The following MELK variants were observed in gnomAD, a reference collection of about 807,000 sequenced individuals.
MELK encodes the protein maternal embryonic leucine zipper kinase.
In MELK, 81 loss-of-function variants were observed where a neutral mutation model predicts 85.0. The ratio of observed to expected loss-of-function variants is 0.95; its 90% CI spans 0.80 to 1.15. The LOEUF (loss-of-function observed/expected upper bound fraction) is 1.15. MELK is among the 50% of genes most tolerant of loss of function. The probability of loss-of-function intolerance (pLI) is 0.00; values close to 1 mark genes in which losing one functional copy is unlikely to be tolerated. For missense variants in MELK, 754 were observed against 777.5 expected, an observed-to-expected ratio of 0.97 and a Z score of 0.36; for synonymous variants, 252 against 265.0, an observed-to-expected ratio of 0.95 and a Z score of 0.48.
chr9:36,632,124 C>G (rs570032065), intron 9 of MELK, among the ~76,000 whole-genome samples: 1 of 152,330 alleles, frequency 6.6e-6, no homozygotes, highest in Admixed American at 6.5e-5. Flanking sequence ...TTGCTGGCCT[C>G]CAGCCCCAGA....
chr9:36,638,738 A>T, intron 10 of MELK, among the ~76,000 whole-genome samples: 1 of 152,198 alleles, frequency 6.6e-6, no homozygotes, highest in South Asian at 2.1e-4. Context: ...GCACTATCCT[A>T]TGGGCTTTAT....
chr9:36,590,183 G>A (rs1253707013), intron 4 of MELK, among the ~76,000 whole-genome samples: 1 of 152,048 alleles, frequency 6.6e-6, no homozygotes, highest in Non-Finnish European at 1.5e-5. Flanking sequence ...GCCTCCCAGA[G>A]TGCTGGGATT....
intron 8 of MELK, among the ~76,000 whole-genome samples, chr9:36,622,777 T>C (rs1358329564): frequency 6.6e-6 from 1 of 152,222 alleles, no homozygotes; most frequent in Non-Finnish European, 1.5e-5. Flanking sequence ...TACAGCATTA[T>C]GATTATGTAT....
chr9:36,637,167 C>T (rs965030957), intron 10 of MELK, among the ~76,000 whole-genome samples: 20 of 151,956 alleles, frequency 1.3e-4, no homozygotes, highest in Non-Finnish European at 2.9e-4. Flanking sequence ...GAGGATAAGC[C>T]CTAGTGCTCT....
intron 2 of MELK, among the ~76,000 whole-genome samples, chr9:36,582,203 C>T (rs1317890010): frequency 1.3e-5 from 2 of 152,032 alleles, no homozygotes; most frequent in South Asian, 4.2e-4. Flanking sequence ...CTCCTGACCT[C>T]GTGATCCACC....
At chr9:36,628,536 C>T (rs1398346052) in intron 8 of MELK, among the ~76,000 whole-genome samples, 8 of 152,130 alleles carry the variant, frequency 5.3e-5, no homozygotes, top group Admixed American at 5.2e-4. Flanking sequence ...TCTCCTGCCT[C>T]AGCCTCCCGA....
chr9:36,667,886 G>A (rs1193271414), intron 14 of MELK, among the ~76,000 whole-genome samples: 1 of 152,096 alleles, frequency 6.6e-6, no homozygotes, highest in East Asian at 1.9e-4. Context: ...TCCTGCCTCA[G>A]CCTCCTGAGT....
chr9:36,615,706 C>A (rs1469997635), intron 8 of MELK, among the ~76,000 whole-genome samples: 1 of 147,492 alleles, frequency 6.8e-6, no homozygotes, highest in African/African-American at 2.6e-5. Context: ...GCGCTCCTCA[C>A]ATCCCAGATG....
chr9:36,581,974 CT>C (rs11323657), intron 2 of MELK, among the ~76,000 whole-genome samples: 33,929 of 147,818 alleles, frequency 0.23, 6,142 homozygotes, highest in African/African-American at 0.51. Context: ...TCTTTTATTT[CT>C]TTTTTTTTTT....
chr9:36,608,094 C>T (rs977879526), intron 8 of MELK, among the ~76,000 whole-genome samples: 6 of 151,848 alleles, frequency 4.0e-5, no homozygotes, highest in African/African-American at 9.7e-5. Flanking sequence ...TCCTGGCTAA[C>T]GTGGTGAAAC....
At chr9:36,633,290 A>G in intron 10 of MELK, 90 bp downstream of exon 10, 2 of 864,784 alleles carry the variant, frequency 2.3e-6, no homozygotes, top group Non-Finnish European at 1.8e-6. Flanking sequence ...GTCTAAATAT[A>G]CAAGAAAATA....
intron 3 of MELK, among the ~76,000 whole-genome samples, chr9:36,588,134 G>A (rs1490289404): frequency 6.7e-6 from 1 of 150,052 alleles, no homozygotes; most frequent in Admixed American, 6.7e-5. Flanking sequence ...TCGGCTCACC[G>A]CAACTTCCAC....
chr9:36,675,059 G>A, intron 17 of MELK, 122 bp downstream of exon 17: 1 of 594,768 alleles, frequency 1.7e-6, no homozygotes, highest in Non-Finnish European at 3.0e-6. Context: ...GCTGAGGTGG[G>A]CAGATCACTT....
chr9:36,575,579 G>A (rs1010331864), intron 1 of MELK, among the ~76,000 whole-genome samples: 2 of 151,976 alleles, frequency 1.3e-5, no homozygotes, highest in African/African-American at 4.8e-5. Context: ...TGAGAGAAGC[G>A]GGTAGATAGA....
chr9:36,606,632 CAT>C (rs1360092597), intron 7 of MELK, among the ~76,000 whole-genome samples: 1 of 145,108 alleles, frequency 6.9e-6, no homozygotes, highest in African/African-American at 2.5e-5. Flanking sequence ...TATATATGGA[CAT>C]ATATGTATAT....
intron 2 of MELK, among the ~76,000 whole-genome samples, chr9:36,582,952 A>C (rs1822405109): frequency 6.6e-6 from 1 of 152,004 alleles, no homozygotes; most frequent in Non-Finnish European, 1.5e-5. Context: ...TTCAGTTTTG[A>C]AAAATAATTG....
intron 11 of MELK, among the ~76,000 whole-genome samples, chr9:36,647,973 C>CA (rs781543260): frequency 6.6e-6 from 1 of 151,980 alleles, no homozygotes; most frequent in Non-Finnish European, 1.5e-5. Context: ...TTACTAAAAA[C>CA]AGAGTTGGTA....
intron 8 of MELK, among the ~76,000 whole-genome samples, chr9:36,623,765 G>A (rs1827669805): frequency 6.6e-6 from 1 of 152,122 alleles, no homozygotes; most frequent in African/African-American, 2.4e-5. Context: ...GTCCATCTCT[G>A]GCCCTCAAAA....
chr9:36,633,022 T>A (rs1828794267), intron 9 of MELK, 80 bp from the exon 10 acceptor site: 1 of 964,058 alleles, frequency 1.0e-6, no homozygotes, highest in East Asian at 2.4e-5. Context: ...TTCTGATGCA[T>A]TTTTAGTTTT....
Sources: allele counts gnomAD v4.1 joint callset (sites outside exome capture counted in the v4.1 genomes callset), GRCh38; gene constraint gnomAD v4.1.1; transcripts MANE v1.5; gene names NCBI Gene and HGNC (gene_info 2026-07-23, HGNC 2026-07-21).